Variants in CA14 observed in about 807,000 individuals in gnomAD.
CA14 encodes the protein carbonic anhydrase 14.
Under a neutral mutation model 48.8 loss-of-function variants are expected in CA14, and 44 were observed. The ratio of observed to expected loss-of-function variants is 0.90; its 90% CI spans 0.71 to 1.16. CA14 has a LOEUF of 1.16. Ranked by LOEUF, CA14 falls within the 50% of genes most tolerant of loss-of-function variation. The pLI is 0.00. For missense variants in CA14, 386 were observed against 401.0 expected, an observed-to-expected ratio of 0.96 and a Z score of 0.32; for synonymous variants, 154 against 155.0, an observed-to-expected ratio of 0.99 and a Z score of 0.05.
chr1:150,262,147 T>C lies in CA14; in HGVS notation c.257-11T>C. ...GCCTCCACCAATCCGAGTTTGCTCTTTTCCTCACAGTGCAACTCTCTCTGC... is the reference window on the plus strand; with the variant it reads ...GCCTCCACCAATCCGAGTTTGCTCTCTTCCTCACAGTGCAACTCTCTCTGC... On this transcript the variant is annotated splice_polypyrimidine_tract_variant and intron_variant, in intron 3 of 10. Coordinates refer to ENST00000369111, the MANE Select transcript of CA14 (RefSeq NM_012113.3). 2 of 1,614,148 alleles carry C rather than the reference T, an allele frequency of 1.2e-6. No homozygotes were observed. Among genetic ancestry groups the C allele is most frequent in the Non-Finnish European group, 1.7e-6 (2 of 1,180,002 alleles).
In CA14 at chr1:150,263,381, C is replaced by A. The variant is rs781924907; in HGVS notation, c.803C>A (p.Pro268His). The A allele has an allele frequency of 1.2e-6, 2 of 1,614,086 alleles. No individual in the cohort carries two copies. The highest frequency in any genetic ancestry group is 1.7e-6 in the Non-Finnish European group (2 of 1,180,050). Reference sequence around the variant, plus strand: ...GTACAGAACTACCGAGCCCTTCAGCCTCTCAATCAGCGCATGGTCTTTGCT... The same window carrying A: ...GTACAGAACTACCGAGCCCTTCAGCATCTCAATCAGCGCATGGTCTTTGCT... Reference protein sequence around the residue: ...LLVQNYRALQPLNQRMVFASF... With the variant: ...LLVQNYRALQHLNQRMVFASF... Residue 268 changes from proline (P) to histidine (H), a missense_variant, in exon 8 of 11, where the codon CCT (proline) becomes CAT (histidine). Pro to His is a moderately conservative substitution (Grantham distance 77). Transcript: ENST00000369111.
intron 9 of CA14, 39 bp from the exon 10 acceptor site, chr1:150,263,755 T>C: frequency 1.9e-6 from 3 of 1,608,130 alleles, no homozygotes; most frequent in Non-Finnish European, 2.6e-6. Context: ...AAATCTATGT[T>C]AGTCCTAGGC....
At chr1:150,263,958 C>G in intron 10 of CA14, 80 bp downstream of exon 10, 1 of 999,194 alleles carries the variant, frequency 1.0e-6, no homozygotes, top group South Asian at 1.5e-5. Flanking sequence ...GAGTCTTGCT[C>G]TGTTACTCAG....
In CA14 at chr1:150,258,075, C is replaced by T; in HGVS notation, c.-54C>T. ...CCTCCCTCCCTCTCTCTCTGCCTGT[C>T]CTAGTCCTCTAGTCCTCAAATTCCC... On this transcript the variant is annotated 5_prime_UTR_variant, in exon 1 of 11. Coordinates refer to ENST00000369111, the MANE Select transcript of CA14 (RefSeq NM_012113.3). 1 of 1,428,388 alleles carries T rather than the reference C, an allele frequency of 7.0e-7. No individual in the cohort carries two copies. Among genetic ancestry groups the T allele is most frequent in the Non-Finnish European group, 9.7e-7 (1 of 1,026,202 alleles). The allele number at this position is 1,428,388 out of a possible 1,614,324, so 88.5% of individuals were successfully genotyped here. A position where few individuals can be genotyped will look rare whatever the true frequency, so the allele number is the denominator to read the frequency against.
chr1:150,262,189 G>A lies in CA14; in HGVS notation c.288G>A (p.Leu96=), dbSNP rs1207070126. ...VQLSLPSTLY[L]GGLPRKYVAA... ...TCTCTCTGCCCTCTACCCTGTATCT[G>A]GGTGGACTTCCCCGAAAATATGTAG... is the stretch of plus-strand genomic sequence containing the variant. Residue 96 remains leucine, a synonymous_variant, in exon 4 of 11, where the codon CTG becomes CTA. Transcript: ENST00000369111. 2.5e-6 allele frequency: 4 copies of A among 1,614,030 alleles called. No homozygotes were observed. The highest frequency in any genetic ancestry group is 1.3e-5 in the African/African-American group (1 of 74,902).
chr1:150,262,921 A>G, intron 6 of CA14, 51 bp downstream of exon 6: 2 of 1,585,406 alleles, frequency 1.3e-6, no homozygotes, highest in Non-Finnish European at 1.7e-6. Context: ...TTCAAAAACT[A>G]TCCTTAAAAG....
At position 150,263,394 on chromosome 1, in the gene CA14, C is replaced by T; in HGVS notation, c.816C>T (p.Arg272=). Residue 272 remains arginine, a synonymous_variant, in exon 8 of 11, where the codon CGC becomes CGT. Transcript: ENST00000369111. ...GAGCCCTTCAGCCTCTCAATCAGCG[C>T]ATGGTCTTTGCTTCTTTCATCCAAG... ...NYRALQPLNQ[R]MVFASFIQAG... 6.2e-7 allele frequency: 1 copy of T among 1,614,196 alleles called. No homozygotes were observed. The highest frequency in any genetic ancestry group is 8.5e-7 in the Non-Finnish European group (1 of 1,180,050).
At chr1:150,263,562 G>A in intron 8 of CA14, 97 bp from the exon 9 acceptor site, 5 of 1,611,302 alleles carry the variant, frequency 3.1e-6, no homozygotes, top group Non-Finnish European at 4.2e-6. Flanking sequence ...ACCCCAGGGT[G>A]CCCCCGGGGG....
intron 9 of CA14, 47 bp downstream of exon 9, chr1:150,263,726 C>G: frequency 6.2e-7 from 1 of 1,612,840 alleles, no homozygotes; most frequent in Non-Finnish European, 8.5e-7. Flanking sequence ...GTGTCCTCAC[C>G]GAGTGGGGGA....
chr1:150,260,235 G>C, intron 2 of CA14, 64 bp downstream of exon 2: 2 of 1,523,410 alleles, frequency 1.3e-6, no homozygotes. Context: ...CTGGCAGGAA[G>C]ACACACTGTG....
intron 4 of CA14, 81 bp from the exon 5 acceptor site, chr1:150,262,444 G>T: frequency 4.8e-6 from 7 of 1,469,148 alleles, no homozygotes; most frequent in Non-Finnish European, 5.7e-6. Context: ...CGGGGACAGC[G>T]GGGGGATGGT....
At chr1:150,261,390 G>A in intron 2 of CA14, 69 bp from the exon 3 acceptor site, 2 of 1,406,132 alleles carry the variant, frequency 1.4e-6, no homozygotes, top group Admixed American at 1.8e-5. Context: ...AGGGTCAAAG[G>A]GAGGGGGTGC....
In CA14 at chr1:150,258,142, C is replaced by G. The variant is rs1553847092; in HGVS notation, c.14C>G (p.Ala5Gly). 6.2e-7 allele frequency: 1 copy of G among 1,610,954 alleles called. No homozygotes were observed. The highest frequency in any genetic ancestry group is 1.7e-5 in the Admixed American group (1 of 59,826). ...TCCTGGGACACTATGTTGTTCTCCG[C>G]CCTCCTGCTGGAGGTGATTTGGATC... is the stretch of plus-strand genomic sequence containing the variant. Reference protein sequence around the residue: MLFSALLLEVIWILA... With the variant: MLFSGLLLEVIWILA... Residue 5 changes from alanine to glycine, a missense_variant, in exon 1 of 11, where the codon GCC becomes GGC. Ala to Gly is a moderately conservative substitution (Grantham distance 60, BLOSUM62 0). Coordinates refer to ENST00000369111, the MANE Select transcript of CA14 (RefSeq NM_012113.3).
rs782382176 is a variant in CA14, at chr1:150,262,270, C to G, written c.369C>G (p.His123Gln). Residue 123 changes from histidine to glutamine, a missense_variant, in exon 4 of 11, where the codon CAC (histidine) becomes CAG (glutamine). By Grantham distance (24) the His-to-Gln change is conservative (BLOSUM62 0). Transcript: ENST00000369111. ...AAGGATCCCCAGGGGGGTCAGAACACCAGATCAACAGTGAAGCCACATTTG... is the reference window on the plus strand; with the variant it reads ...AAGGATCCCCAGGGGGGTCAGAACAGCAGATCAACAGTGAAGCCACATTTG... ...GQKGSPGGSE[H>Q]QINSEATFAE... The G allele has an allele frequency of 1.9e-6, 3 of 1,608,468 alleles. No homozygotes were observed. Among genetic ancestry groups the G allele is most frequent in the Non-Finnish European group, 1.7e-6 (2 of 1,177,446 alleles).
rs1553848126 is a variant in CA14 at position 150,262,578 on chromosome 1, T to G, written c.453T>G (p.Ala151=). The change falls in exon 5 of 11, where the codon GCT becomes GCG. Residue 151 remains alanine (A), a synonymous_variant. Coordinates refer to ENST00000369111, the MANE Select transcript of CA14 (RefSeq NM_012113.3). ...CCTATGACAGCTTGAGTGAGGCTGC[T>G]GAGAGGCCTCAGGGCCTGGCTGTCC... ...SDSYDSLSEA[A]ERPQGLAVLG... 1 of 1,614,140 alleles carries G rather than the reference T, an allele frequency of 6.2e-7. No homozygotes were observed. The highest frequency in any genetic ancestry group is 8.5e-7 in the Non-Finnish European group (1 of 1,179,970).
chr1:150,263,906 T>A, intron 10 of CA14, 28 bp downstream of exon 10: 1 of 1,186,588 alleles, frequency 8.4e-7, no homozygotes, highest in Non-Finnish European at 1.2e-6. Context: ...ATTCCTCCAG[T>A]CCCTTCTTCT....
intron 1 of CA14, among the ~76,000 whole-genome samples, chr1:150,259,645 T>C (rs773272979): frequency 1.2e-4 from 19 of 152,084 alleles, no homozygotes; most frequent in Non-Finnish European, 2.5e-4. Flanking sequence ...AGTGGCTTTA[T>C]TCATGCAATT....
At position 150,260,167 on chromosome 1, in the gene CA14, T is replaced by G; in HGVS notation, c.72T>G (p.Tyr24Ter). The change falls in exon 2 of 11, where the codon TAT becomes TAG. Residue 24 changes from tyrosine (Y) to a stop codon, truncating the protein, a stop_gained. Coordinates refer to ENST00000369111, the MANE Select transcript of CA14 (RefSeq NM_012113.3). LOFTEE classifies it high-confidence loss of function. ...GCCTTGCAGGTCAACACTGGACGTA[T>G]GAGGGTGAGCAGATCTCAAGGCCTC... ...LAADGGQHWT[Y>*]EGPHGQDHWP... 1.2e-6 allele frequency: 2 copies of G among 1,613,928 alleles called. No homozygotes were observed. The highest frequency in any genetic ancestry group is 1.7e-6 in the Non-Finnish European group (2 of 1,179,884).
In CA14 at chr1:150,264,665, TTC is replaced by T. The variant is rs782768927; in HGVS notation, c.*9_*10del. The T allele has an allele frequency of 6.2e-7, 1 of 1,610,742 alleles. No homozygotes were observed. Among genetic ancestry groups the T allele is most frequent in the East Asian group, 2.2e-5 (1 of 44,810 alleles). On this transcript the variant is annotated 3_prime_UTR_variant, in exon 11 of 11. Coordinates refer to ENST00000369111, the MANE Select transcript of CA14 (RefSeq NM_012113.3). ...AAGCCACGACTGAGGCATAAATTCC[TTC>T]TCAGATACCATGGATGTGGATGACT...
Sources: gnomAD v4.1 joint callset for allele counts (sites outside exome capture counted in the v4.1 genomes callset) on GRCh38, gnomAD v4.1.1 for gene constraint, MANE v1.5 for transcripts, NCBI Gene and HGNC (gene_info 2026-07-23, HGNC 2026-07-21) for gene names.